Variants in BABAM2 observed in about 807,000 individuals in gnomAD.
The protein encoded by BABAM2 is BRISC and BRCA1 A complex member 2.
A neutral mutation model predicts 54.7 loss-of-function variants in BABAM2; 31 were observed. The observed-to-expected ratio is 0.57, with a 90% CI of 0.43 to 0.77. The LOEUF (loss-of-function observed/expected upper bound fraction) is 0.77. Ranked by LOEUF, BABAM2 falls within the 30% of genes least tolerant of loss-of-function variation. The pLI is 0.00. For synonymous variants in BABAM2, 167 were observed against 162.9 expected, an observed-to-expected ratio of 1.03 and a Z score of -0.19; for missense variants, 364 against 455.8, an observed-to-expected ratio of 0.80 and a Z score of 1.83.
At chr2:27,916,110 G>C (rs1207288361) in intron 2 of BABAM2, among the ~76,000 whole-genome samples, 2 of 152,178 alleles carry the variant, frequency 1.3e-5, no homozygotes, top group African/African-American at 4.8e-5. Flanking sequence ...GAGAATCAGA[G>C]CTATTGGAGC....
At chr2:28,282,171 C>A (rs1391179106) in intron 10 of BABAM2, among the ~76,000 whole-genome samples, 1 of 152,074 alleles carries the variant, frequency 6.6e-6, no homozygotes, top group Non-Finnish European at 1.5e-5. Flanking sequence ...TGTCAGATGC[C>A]ATTAAAACCC....
intron 11 of BABAM2, among the ~76,000 whole-genome samples, chr2:28,318,902 T>C (rs1412148538): frequency 1.3e-5 from 2 of 152,226 alleles, no homozygotes; most frequent in African/African-American, 4.8e-5. Context: ...AGCCAAATGC[T>C]GTCCTGGAGA....
intron 4 of BABAM2, among the ~76,000 whole-genome samples, chr2:28,008,465 T>C (rs912861829): frequency 3.9e-5 from 6 of 152,240 alleles, no homozygotes; most frequent in Admixed American, 2.0e-4. Flanking sequence ...ACAGTTGGAA[T>C]TGGTGGGGAT....
At chr2:28,189,678 T>C (rs1676692501) in intron 7 of BABAM2, among the ~76,000 whole-genome samples, 1 of 152,088 alleles carries the variant, frequency 6.6e-6, no homozygotes. Flanking sequence ...GAAGTCTCAG[T>C]ATTAAGATGT....
chr2:28,326,820 G>A (rs1355031767), intron 11 of BABAM2, among the ~76,000 whole-genome samples: 1 of 152,168 alleles, frequency 6.6e-6, no homozygotes, highest in African/African-American at 2.4e-5. Flanking sequence ...CTATGCTAAC[G>A]TGCCATTAGG....
At chr2:27,994,903 T>G (rs1673032820) in intron 4 of BABAM2, among the ~76,000 whole-genome samples, 1 of 152,150 alleles carries the variant, frequency 6.6e-6, no homozygotes, top group African/African-American at 2.4e-5. Flanking sequence ...TAGGGTCCAG[T>G]CAGGAGACAG....
intron 3 of BABAM2, among the ~76,000 whole-genome samples, chr2:27,931,657 A>G (rs1573197551): frequency 6.6e-6 from 1 of 152,130 alleles, no homozygotes. Flanking sequence ...TACACAGTTA[A>G]TGAATAACCC....
chr2:28,055,081 C>A (rs1490180824), intron 6 of BABAM2, among the ~76,000 whole-genome samples: 1 of 152,066 alleles, frequency 6.6e-6, no homozygotes, highest in Non-Finnish European at 1.5e-5. Flanking sequence ...TACTGTACAG[C>A]CATTAAAACA....
intron 7 of BABAM2, among the ~76,000 whole-genome samples, chr2:28,219,820 C>T (rs948027071): frequency 5.3e-5 from 8 of 152,114 alleles, no homozygotes; most frequent in Admixed American, 1.3e-4. Context: ...TTGCTTGAGC[C>T]GCTGCGGAGC....
chr2:27,953,283 C>G (rs1319859362), intron 3 of BABAM2, among the ~76,000 whole-genome samples: 4 of 152,072 alleles, frequency 2.6e-5, no homozygotes, highest in Admixed American at 2.6e-4. Flanking sequence ...TGGGCTCAAG[C>G]AGATCCTCCT....
intron 6 of BABAM2, among the ~76,000 whole-genome samples, chr2:28,097,393 C>A (rs1666720133): frequency 6.6e-6 from 1 of 152,052 alleles, no homozygotes; most frequent in Admixed American, 6.6e-5. Context: ...GCATTTTTAT[C>A]ATTTTTATTT....
rs1372399440 is a variant in BABAM2 at position 28,304,063 on chromosome 2, T to G, written c.1088+5572T>G. ...ACCCAGCTAATTTTTGTATTTTTATTTATTTTTTTGAGACAAAGTTTTGCT... is the reference window on the plus strand; with the variant it reads ...ACCCAGCTAATTTTTGTATTTTTATGTATTTTTTTGAGACAAAGTTTTGCT... On this transcript the variant is annotated intron_variant, in intron 11 of 11. Transcript: ENST00000379624. This position sits in a 1 kb window ranked among gnomAD's most constrained non-coding sequence, Gnocchi z 4.0. 6.6e-6 allele frequency among the ~76,000 whole-genome samples: 1 copy of G among 152,076 alleles called. No individual in the cohort carries two copies. Among genetic ancestry groups the G allele is most frequent in the Non-Finnish European group, 1.5e-5 (1 of 68,034 alleles).
chr2:28,026,836 A>ATC (rs1675753552), intron 5 of BABAM2, among the ~76,000 whole-genome samples: 1 of 60,520 alleles, frequency 1.7e-5, no homozygotes, highest in African/African-American at 6.3e-5. Context: ...ATATATAAAT[A>ATC]TATATAAATA....
rs142791076 is a variant in BABAM2 at position 28,302,187 on chromosome 2, C to T, written c.1088+3696C>T. Among the ~76,000 whole-genome samples the T allele has an allele frequency of 3.6e-3, 554 of 152,166 alleles. 1 individual carries two copies. Among genetic ancestry groups the T allele is most frequent in the Non-Finnish European group, 5.9e-3 (400 of 68,014 alleles). ...CTCCCAGCATTTTGGGGGACTGAAG[C>T]GGGCGGATCACCTGAGGTAGGAAGT... On this transcript the variant is annotated intron_variant, in intron 11 of 11. Transcript: ENST00000379624.
intron 2 of BABAM2, among the ~76,000 whole-genome samples, chr2:27,900,892 A>C (rs947388232): frequency 6.6e-6 from 1 of 152,042 alleles, no homozygotes; most frequent in Non-Finnish European, 1.5e-5. Context: ...AAATACAAAA[A>C]ATTAGCCGGG....
intron 2 of BABAM2, chr2:27,894,928 C>T (rs1417752646): frequency 4.4e-6 from 2 of 458,210 alleles, no homozygotes; most frequent in South Asian, 7.3e-5. Flanking sequence ...TCTGTTTTTT[C>T]TTTGTGAAGA....
At chr2:27,974,129 G>T (rs1049059329) in intron 3 of BABAM2, among the ~76,000 whole-genome samples, 7 of 151,980 alleles carry the variant, frequency 4.6e-5, no homozygotes, top group African/African-American at 1.7e-4. Context: ...AAGACAAAAA[G>T]TCACCAATTT....
intron 7 of BABAM2, among the ~76,000 whole-genome samples, chr2:28,141,672 C>T (rs1296439133): frequency 6.6e-6 from 1 of 152,132 alleles, no homozygotes; most frequent in Non-Finnish European, 1.5e-5. Context: ...GTGTTAGGAC[C>T]ATGACCTCAT....
At chr2:28,198,216 T>C (rs998107354) in intron 7 of BABAM2, among the ~76,000 whole-genome samples, 5 of 150,936 alleles carry the variant, frequency 3.3e-5, no homozygotes, top group Admixed American at 2.7e-4. Flanking sequence ...CTGGATGGAG[T>C]GCAGTGGTAC....
Sources: allele counts gnomAD v4.1 joint callset (sites outside exome capture counted in the v4.1 genomes callset), GRCh38; gene constraint gnomAD v4.1.1; non-coding constraint Gnocchi (gnomAD v3.1); transcripts MANE v1.5; gene names NCBI Gene and HGNC (gene_info 2026-07-23, HGNC 2026-07-21).